The following DARS1 variants were observed in gnomAD, a reference collection of about 807,000 sequenced individuals.
The protein encoded by DARS1 is aspartate--tRNA ligase, cytoplasmic.
A neutral mutation model predicts 68.8 loss-of-function variants in DARS1; 51 were observed. The observed-to-expected ratio is 0.74, with a 90% CI of 0.59 to 0.94. The LOEUF is 0.94. Among genes scored for constraint, DARS1 ranks in the 40% least tolerant of loss-of-function variants. The pLI, the probability that DARS1 is intolerant of heterozygous loss-of-function variation, is 0.00. For synonymous variants in DARS1, 203 were observed against 190.4 expected (o/e 1.07, Z -0.55); for missense variants, 607 against 597.3 (o/e 1.02, Z -0.17).
At chr2:135,938,279 T>C (rs1016245544) in intron 5 of DARS1, among the ~76,000 whole-genome samples, 3 of 152,244 alleles carry the variant, frequency 2.0e-5, no homozygotes, top group Admixed American at 1.3e-4. Flanking sequence ...CTTGATCAAA[T>C]TGGCTACTGA....
intron 15 of DARS1, among the ~76,000 whole-genome samples, chr2:135,910,104 G>A (rs987124625): frequency 2.6e-5 from 4 of 152,098 alleles, no homozygotes; most frequent in African/African-American, 9.7e-5. Flanking sequence ...CTTGGCTATT[G>A]TAAATAATGC....
At chr2:135,912,617 C>G in intron 12 of DARS1, 51 bp from the exon 13 acceptor site, 1 of 698,928 alleles carries the variant, frequency 1.4e-6, no homozygotes, top group Admixed American at 2.6e-5. Context: ...AGTAAAATGG[C>G]TAACATTTTG....
rs1020492946 is a variant in DARS1 at position 135,907,336 on chromosome 2, G to C, written c.1486C>G (p.Pro496Ala). The part of the protein sequence containing the change: ...VRQTSMFPRD[P>A]KRLTP Reference sequence around the variant, plus strand: ...TGAATTTAAGGAGTGAGTCGTTTGGGATCACGAGGGAACATGGAGGTCTGA... The same window carrying C: ...TGAATTTAAGGAGTGAGTCGTTTGGCATCACGAGGGAACATGGAGGTCTGA... Residue 496 changes from proline (P) to alanine (A), a missense_variant, in exon 16 of 16, where the codon CCC becomes GCC. Coordinates refer to ENST00000264161, the MANE Select transcript of DARS1 (RefSeq NM_001349.4). The C allele has an allele frequency of 1.9e-5, 31 of 1,605,218 alleles. No homozygotes were observed. In the Admixed American group the frequency reaches 5.2e-4, roughly 27 times the overall value.
intron 4 of DARS1, among the ~76,000 whole-genome samples, chr2:135,951,463 T>G (rs1366162178): frequency 1.3e-5 from 2 of 152,268 alleles, no homozygotes; most frequent in Non-Finnish European, 2.9e-5. Flanking sequence ...CAGATAAGAT[T>G]CATGTTTTAT....
At chr2:135,947,447 A>C (rs549826862) in intron 4 of DARS1, among the ~76,000 whole-genome samples, 4 of 151,966 alleles carry the variant, frequency 2.6e-5, no homozygotes, top group African/African-American at 9.6e-5. Context: ...AAGAGAAAAA[A>C]GAAAAGAGAT....
intron 4 of DARS1, among the ~76,000 whole-genome samples, chr2:135,959,440 C>A (rs527490769): frequency 7.3e-6 from 1 of 136,348 alleles, no homozygotes; most frequent in African/African-American, 2.9e-5. Context: ...AAAGATCGCC[C>A]GTATATCATC....
intron 5 of DARS1, among the ~76,000 whole-genome samples, chr2:135,941,277 T>C (rs1243229939): frequency 1.3e-5 from 2 of 152,174 alleles, no homozygotes; most frequent in Non-Finnish European, 2.9e-5. Context: ...AAGGCTACAG[T>C]AACCAAAACA....
intron 7 of DARS1, 21 bp from the exon 8 acceptor site, chr2:135,924,519 C>A (rs781436755): frequency 6.3e-7 from 1 of 1,591,098 alleles, no homozygotes; most frequent in Non-Finnish European, 8.5e-7. Flanking sequence ...GTAATAAAAT[C>A]TAATTAAATC....
chr2:135,924,240 A>G lies in DARS1; in HGVS notation c.676+147T>C, dbSNP rs1250292020. On this transcript the variant is annotated intron_variant, in intron 8 of 15. Coordinates refer to ENST00000264161, the MANE Select transcript of DARS1 (RefSeq NM_001349.4). ...GTTGGTGATATATGATTGTTGCTAT[A>G]TAAGATGGTCTTCAAAATAGTAGTC... 2.2e-5 allele frequency: 18 copies of G among 810,780 alleles called. No individual in the cohort carries two copies. The East Asian group carries it at 4.7e-4, about 21-fold the overall frequency. The allele number at this position is 810,780 out of a possible 1,614,324, so 50.2% of individuals were successfully genotyped here.
chr2:135,958,224 T>C (rs1324641059), intron 4 of DARS1, among the ~76,000 whole-genome samples: 1 of 152,190 alleles, frequency 6.6e-6, no homozygotes, highest in Non-Finnish European at 1.5e-5. Flanking sequence ...TTAGTTAAAA[T>C]TTGTATCAAA....
chr2:135,953,474 A>G (rs1681894010), intron 4 of DARS1, among the ~76,000 whole-genome samples: 1 of 152,168 alleles, frequency 6.6e-6, no homozygotes. Flanking sequence ...TTCTCAAGAG[A>G]GTGATACAAA....
intron 4 of DARS1, 107 bp downstream of exon 4, chr2:135,961,289 T>TAAAAAAAAA: frequency 1.5e-6 from 1 of 677,238 alleles, no homozygotes; most frequent in Non-Finnish European, 2.6e-6. Flanking sequence ...ACTACATTTT[T>TAAAAAAAAA]AAACAAACGA....
At chr2:135,908,787 T>C (rs1006516374) in intron 15 of DARS1, among the ~76,000 whole-genome samples, 2 of 152,190 alleles carry the variant, frequency 1.3e-5, no homozygotes, top group Non-Finnish European at 2.9e-5. Context: ...TCTTGTAAAT[T>C]TGTTTAAGTT....
intron 4 of DARS1, among the ~76,000 whole-genome samples, chr2:135,955,411 C>G (rs1443969785): frequency 2.0e-5 from 3 of 151,998 alleles, no homozygotes; most frequent in Non-Finnish European, 4.4e-5. Flanking sequence ...ATTTTTAAAT[C>G]TTTGCAAGGG....
At chr2:135,977,651 CATT>C (rs1406809545) in intron 3 of DARS1, among the ~76,000 whole-genome samples, 4 of 152,154 alleles carry the variant, frequency 2.6e-5, no homozygotes, top group African/African-American at 7.2e-5. Flanking sequence ...GGCAAATCAA[CATT>C]ATTTGAAAAT....
intron 4 of DARS1, among the ~76,000 whole-genome samples, chr2:135,954,312 AAAAAAACAAAACC>A (rs1004217670): frequency 6.9e-6 from 1 of 145,388 alleles, no homozygotes; most frequent in African/African-American, 2.6e-5. Context: ...AAACAAAACC[AAAAAAACAAAACC>A]AAAAAAAAAA....
At chr2:135,913,818 G>A (rs1680946701) in intron 12 of DARS1, among the ~76,000 whole-genome samples, 1 of 152,046 alleles carries the variant, frequency 6.6e-6, no homozygotes, top group African/African-American at 2.4e-5. Context: ...GATAAAACTT[G>A]AGATGAGGAT....
At chr2:135,924,559 G>A in intron 7 of DARS1, 61 bp from the exon 8 acceptor site, 2 of 1,556,452 alleles carry the variant, frequency 1.3e-6, no homozygotes, top group Admixed American at 2.2e-5. Flanking sequence ...CACTAACTCT[G>A]TGGGCTAGGC....
intron 3 of DARS1, among the ~76,000 whole-genome samples, chr2:135,963,118 G>A (rs1356317556): frequency 3.3e-5 from 5 of 152,132 alleles, no homozygotes; most frequent in Admixed American, 2.6e-4. Context: ...TAAGTCTATG[G>A]GTCGGCACTA....
Sources: allele counts gnomAD v4.1 joint callset (sites outside exome capture counted in the v4.1 genomes callset), GRCh38; gene constraint gnomAD v4.1.1; transcripts MANE v1.5; gene names NCBI Gene and HGNC (gene_info 2026-07-23, HGNC 2026-07-21).